TBC1D30: variants seen among roughly 807,000 people sequenced by gnomAD.
TBC1D30 encodes the protein TBC1 domain family member 30, also known as TBC1 domain family, member 30.
In TBC1D30, 31 loss-of-function variants were observed where a neutral mutation model predicts 63.2. The ratio of observed to expected loss-of-function variants is 0.49; its 90% CI spans 0.37 to 0.66. The LOEUF (loss-of-function observed/expected upper bound fraction) is 0.66, where lower values mean the gene tolerates loss of function less well. Ranked by LOEUF, TBC1D30 falls within the 30% of genes least tolerant of loss-of-function variation. TBC1D30 has a pLI of 0.00. For missense variants in TBC1D30, 810 were observed against 953.6 expected, an observed-to-expected ratio of 0.85 and a Z score of 1.98; for synonymous variants, 307 against 361.5, an observed-to-expected ratio of 0.85 and a Z score of 1.71.
At chr12:64,779,648 C>T (rs773562677), upstream of TBC1D30, among the ~76,000 whole-genome samples, 1 of 152,098 alleles carries the variant, frequency 6.6e-6, no homozygotes, top group African/African-American at 2.4e-5. Context: ...TGTGTTGTTG[C>T]CCCTTTTGGA....
chr12:64,837,675 C>T (rs748529244), intron 6 of TBC1D30, among the ~76,000 whole-genome samples: 3 of 152,172 alleles, frequency 2.0e-5, no homozygotes, highest in Non-Finnish European at 2.9e-5. Flanking sequence ...GCCACGGACC[C>T]AGAGATACCT....
intron 7 of TBC1D30, among the ~76,000 whole-genome samples, chr12:64,839,716 C>A (rs1467042183): frequency 6.6e-6 from 1 of 152,116 alleles, no homozygotes. Context: ...GAAAGATCCA[C>A]CAACTATCGG....
At chr12:64,789,224 C>A (rs1025185883) in intron 2 of TBC1D30, among the ~76,000 whole-genome samples, 3 of 149,550 alleles carry the variant, frequency 2.0e-5, no homozygotes, top group African/African-American at 7.4e-5. Context: ...ACTCTGTCGC[C>A]CAGGCCCAGG....
Position 64,875,508 on chromosome 12 carries a change from A to C in TBC1D30, c.2006A>C (p.Glu669Ala). The C allele has an allele frequency of 6.5e-7, 1 of 1,536,144 alleles. No individual in the cohort carries two copies. The highest frequency in any genetic ancestry group is 1.2e-5 in the South Asian group (1 of 84,066). Residue 669 changes from glutamate (E) to alanine (A), a missense_variant, in exon 12 of 12, where the codon GAA (glutamate) becomes GCA (alanine). This residue lies in a region of TBC1D30 where 450 missense variants were observed against 473.0 expected (regional missense o/e 0.95). Transcript: ENST00000539867. ...LELNQRDAAA[E>A]TELRVHPPCQ... ...CTGAACCAGAGGGATGCTGCAGCTG[A>C]AACTGAGCTCAGGGTGCACCCACCC...
chr12:64,870,922 C>T, intron 11 of TBC1D30, 114 bp downstream of exon 11: 2 of 960,474 alleles, frequency 2.1e-6, no homozygotes, highest in Non-Finnish European at 3.1e-6. Context: ...TATCCATCAA[C>T]ACAGCTGGCA....
chr12:64,802,871 C>G (rs1872662441), intron 2 of TBC1D30, among the ~76,000 whole-genome samples: 2 of 152,130 alleles, frequency 1.3e-5, no homozygotes, highest in Non-Finnish European at 2.9e-5. Context: ...GTGTATGTGC[C>G]ACATTTTCTT....
chr12:64,767,297 C>A (rs1175110511), intron 1 of TBC1D30, among the ~76,000 whole-genome samples: 4 of 151,924 alleles, frequency 2.6e-5, no homozygotes, highest in Non-Finnish European at 5.9e-5. Context: ...TTGGTGGTCC[C>A]TATCAGAGAT....
At position 64,877,034 on chromosome 12, in the gene TBC1D30, G is replaced by A. The variant is rs573671491; in HGVS notation, c.*1246G>A. 4.4e-4 allele frequency: 166 copies of A among 380,076 alleles called. No individual in the cohort carries two copies. Among genetic ancestry groups the A allele is most frequent in the East Asian group, 1.9e-3 (26 of 13,648 alleles). The allele number at this position is 380,076 out of a possible 1,614,324, so 23.5% of individuals were successfully genotyped here. On this transcript the variant is annotated 3_prime_UTR_variant, in exon 12 of 12. Coordinates refer to ENST00000539867, the MANE Select transcript of TBC1D30 (RefSeq NM_015279.2). Reference sequence around the variant, plus strand: ...TACACAGATGTATTGGCTACATAGCGTGTAAAAACCAAGACTGGGAAGCCA... The same window carrying A: ...TACACAGATGTATTGGCTACATAGCATGTAAAAACCAAGACTGGGAAGCCA...
intron 10 of TBC1D30, 77 bp downstream of exon 10, chr12:64,866,980 A>G: frequency 6.8e-7 from 1 of 1,460,026 alleles, no homozygotes; most frequent in Non-Finnish European, 9.2e-7. Flanking sequence ...TGTCCTATAG[A>G]TGCCCCAGTA....
At chr12:64,816,596 A>C (rs1046157631) in intron 2 of TBC1D30, among the ~76,000 whole-genome samples, 2 of 152,196 alleles carry the variant, frequency 1.3e-5, no homozygotes, top group African/African-American at 4.8e-5. Context: ...TGGTATTGCT[A>C]GTCTGGCCTC....
At chr12:64,778,828 G>A (rs1045773623), upstream of TBC1D30, among the ~76,000 whole-genome samples, 2 of 152,078 alleles carry the variant, frequency 1.3e-5, no homozygotes, top group African/African-American at 4.8e-5. Flanking sequence ...CCGGCTCACA[G>A]AGAAGACATT....
rs143739509 is a variant in TBC1D30 at position 64,856,853 on chromosome 12, G to A, written c.1039-7815G>A. ...CCCTCCCCATACCACAGGCAGAAGA[G>A]CTTCTACCTGTGGCCACCACCACCA... On this transcript the variant is annotated intron_variant, in intron 8 of 11. Coordinates refer to ENST00000539867, the MANE Select transcript of TBC1D30 (RefSeq NM_015279.2). 9.1e-4 allele frequency among the ~76,000 whole-genome samples: 138 copies of A among 152,232 alleles called. 1 individual carries two copies. The East Asian group carries it at 0.025, about 28-fold the overall frequency.
chr12:64,830,560 G>T, intron 4 of TBC1D30, 58 bp downstream of exon 4: 2 of 1,414,786 alleles, frequency 1.4e-6, no homozygotes, highest in Non-Finnish European at 1.9e-6. Context: ...CTAAAAGCCA[G>T]TTGCTTTTTG....
At position 64,862,860 on chromosome 12, in the gene TBC1D30, C is replaced by T. The variant is rs144560522; in HGVS notation, c.1039-1808C>T. Among the ~76,000 whole-genome samples the T allele has an allele frequency of 2.0e-5, 3 of 152,284 alleles. No homozygotes were observed. In the East Asian group the frequency reaches 5.8e-4, roughly 29 times the overall value. ...GATTCTTGGCCCAGCTGTGGGATCA[C>T]ATTTGATATGTGATGGTCAGATAGA... On this transcript the variant is annotated intron_variant, in intron 8 of 11. Coordinates refer to ENST00000539867, the MANE Select transcript of TBC1D30 (RefSeq NM_015279.2).
chr12:64,815,952 A>C (rs1171432955), intron 2 of TBC1D30, among the ~76,000 whole-genome samples: 2 of 151,662 alleles, frequency 1.3e-5, no homozygotes, highest in Non-Finnish European at 2.9e-5. Flanking sequence ...TTTTTTTGGT[A>C]GTGTTTGTAG....
intron 2 of TBC1D30, among the ~76,000 whole-genome samples, chr12:64,810,464 G>A (rs1873144545): frequency 1.3e-5 from 2 of 152,244 alleles, no homozygotes; most frequent in Middle Eastern, 3.4e-3. Flanking sequence ...TTAGCTGGGC[G>A]TGGTAATGGG....
chr12:64,776,723 G>A (rs909293114), upstream of TBC1D30, among the ~76,000 whole-genome samples: 4 of 152,066 alleles, frequency 2.6e-5, no homozygotes, highest in Non-Finnish European at 5.9e-5. Context: ...ATTTCAAAAA[G>A]TTGAAAAGAA....
chr12:64,843,354 G>A, intron 7 of TBC1D30, 26 bp from the exon 8 acceptor site: 2 of 1,530,636 alleles, frequency 1.3e-6, no homozygotes, highest in Non-Finnish European at 1.8e-6. Context: ...TAAACAAGTT[G>A]TATTTTCTGT....
chr12:64,829,819 C>T (rs1183924545), intron 3 of TBC1D30, among the ~76,000 whole-genome samples: 2 of 151,998 alleles, frequency 1.3e-5, no homozygotes, highest in African/African-American at 4.8e-5. Context: ...CTTTCAGAAA[C>T]AGATTTTCTG....
Sources: gnomAD v4.1 joint callset for allele counts (sites outside exome capture counted in the v4.1 genomes callset) on GRCh38, gnomAD v4.1.1 for gene constraint, gnomAD v4.1.1 regional missense constraint, MANE v1.5 for transcripts, NCBI Gene and HGNC (gene_info 2026-07-23, HGNC 2026-07-21) for gene names.